Variants in CASK observed in about 807,000 individuals in gnomAD.
CASK encodes the protein peripheral plasma membrane protein CASK.
A neutral mutation model predicts 82.9 loss-of-function variants in CASK; 4 were observed. That is an observed-to-expected ratio of 0.05 (90% CI 0.02 to 0.11). CASK has a LOEUF of 0.11. CASK is among the 10% of genes least tolerant of loss of function. The pLI is 1.00. For missense variants in CASK, 358 were observed against 720.9 expected (o/e 0.50, Z 5.76); for synonymous variants, 259 against 253.5 (o/e 1.02, Z -0.20).
rs5964031 is a variant in CASK, at chrX:41,667,755, A to G, written c.533-2303T>C. ...AAATAATTTTGTATGGCTTTCTACA[A>G]TTTCCTGACTTCTTTTACACAGAAT... On this transcript the variant is annotated intron_variant, in intron 6 of 26. Transcript: ENST00000378163. 7.9e-3 allele frequency among the ~76,000 whole-genome samples: 872 copies of G among 111,031 alleles called. 10 individuals are homozygous for G. The highest frequency in any genetic ancestry group is 0.027 in the African/African-American group (827 of 30,491).
intron 3 of CASK, among the ~76,000 whole-genome samples, chrX:41,786,219 C>T (rs1341397591): frequency 9.0e-6 from 1 of 111,611 alleles, no homozygotes; most frequent in Non-Finnish European, 1.9e-5. Context: ...ACACACATTC[C>T]TGATGCACAG....
chrX:41,828,432 A>T (rs2070715120), intron 2 of CASK, among the ~76,000 whole-genome samples: 1 of 111,720 alleles, frequency 9.0e-6, no homozygotes, highest in Non-Finnish European at 1.9e-5. Context: ...GTGGGGATCC[A>T]GGAGAAACTT....
chrX:41,623,183 C>T (rs1219437142), intron 10 of CASK, among the ~76,000 whole-genome samples: 4 of 110,745 alleles, frequency 3.6e-5, no homozygotes, highest in African/African-American at 6.6e-5. Flanking sequence ...AGTGATCCAC[C>T]GTGCCCAGCC....
At chrX:41,581,539 G>A (rs938737552) in intron 14 of CASK, among the ~76,000 whole-genome samples, 14 of 110,181 alleles carry the variant, frequency 1.3e-4, no homozygotes, top group African/African-American at 4.6e-4. Flanking sequence ...AGAAAAATTC[G>A]GATGACTGAG....
At position 41,906,672 on chromosome X, in the gene CASK, T is replaced by C. The variant is rs2072475853; in HGVS notation, c.59+16258A>G. On this transcript the variant is annotated intron_variant, in intron 1 of 26. Transcript: ENST00000378163. Reference sequence around the variant, plus strand: ...AACACAGAAAGAGTCACCACAGCATTTCTCCTGCCTAATGCATGGCATGAT... The same window carrying C: ...AACACAGAAAGAGTCACCACAGCATCTCTCCTGCCTAATGCATGGCATGAT... Among the ~76,000 whole-genome samples, 3 of 112,201 alleles carry C rather than the reference T, an allele frequency of 2.7e-5. No homozygotes were observed. In the Admixed American group the frequency reaches 2.8e-4, roughly 11 times the overall value.
At position 41,542,818 on chromosome X, in the gene CASK, A is replaced by C; in HGVS notation, c.2040-12T>G. The C allele has an allele frequency of 1.0e-6, 1 of 989,890 alleles. No individual in the cohort carries two copies. The highest frequency in any genetic ancestry group is 1.4e-6 in the Non-Finnish European group (1 of 696,752). 81.6% of individuals were successfully genotyped at this position (989,890 alleles called of 1,213,427 possible). A position where few individuals can be genotyped will look rare whatever the true frequency, so the allele number is the denominator to read the frequency against. Reference sequence around the variant, plus strand: ...TGCAAGCTACTCGCCTAGCACATACAAAAAGAAAAATAAAATAAAATGAAT... The same window carrying C: ...TGCAAGCTACTCGCCTAGCACATACCAAAAGAAAAATAAAATAAAATGAAT... On this transcript the variant is annotated splice_polypyrimidine_tract_variant and intron_variant, in intron 21 of 26. Transcript: ENST00000378163.
chrX:41,659,082 A>G (rs1164006762), intron 8 of CASK, among the ~76,000 whole-genome samples: 2 of 110,988 alleles, frequency 1.8e-5, no homozygotes, highest in African/African-American at 6.6e-5. Context: ...CAGAGAGAGA[A>G]CTCTGATGAT....
intron 8 of CASK, among the ~76,000 whole-genome samples, chrX:41,642,117 C>T (rs915865919): frequency 2.2e-4 from 24 of 110,848 alleles, no homozygotes; most frequent in African/African-American, 3.9e-4. Context: ...GGTGTATATG[C>T]GCCACATTTT....
intron 4 of CASK, chrX:41,743,635 A>G: frequency 3.4e-6 from 1 of 296,954 alleles, no homozygotes; most frequent in Non-Finnish European, 5.9e-6. Context: ...CTTCAGCCAG[A>G]AGGAGTCAGG....
chrX:41,642,757 T>A (rs2066681544), intron 8 of CASK, among the ~76,000 whole-genome samples: 1 of 112,209 alleles, frequency 8.9e-6, no homozygotes, highest in African/African-American at 3.2e-5. Context: ...CTTAATTAGA[T>A]CCCATTTGTC....
At chrX:41,535,694 G>A (rs2064865073) in intron 22 of CASK, among the ~76,000 whole-genome samples, 1 of 112,057 alleles carries the variant, frequency 8.9e-6, no homozygotes, top group Non-Finnish European at 1.9e-5. Context: ...GGTGGATCAG[G>A]ATGGAAAGAA....
chrX:41,793,467 G>C (rs2069778277), intron 2 of CASK, among the ~76,000 whole-genome samples: 2 of 111,733 alleles, frequency 1.8e-5, no homozygotes, highest in African/African-American at 6.5e-5. Flanking sequence ...AGGCTATCAA[G>C]ACTGTTACAG....
intron 2 of CASK, among the ~76,000 whole-genome samples, chrX:41,830,153 C>A (rs2070764605): frequency 9.2e-6 from 1 of 108,262 alleles, no homozygotes; most frequent in African/African-American, 3.4e-5. Flanking sequence ...GCACACATCA[C>A]CATGCCTGGC....
In CASK at chrX:41,517,499, TC is replaced by T. The variant is rs1000665162; in HGVS notation, c.*2920del. On this transcript the variant is annotated 3_prime_UTR_variant, in exon 27 of 27. Coordinates refer to ENST00000378163, the MANE Select transcript of CASK (RefSeq NM_001367721.1). ...TAATTACTGTCTTGTGACTGGAAAA[TC>T]AGGACATTTCATCTTTTTAACAAAG... 1.4e-4 allele frequency: 36 copies of T among 261,340 alleles called. No individual in the cohort carries two copies. Among genetic ancestry groups the T allele is most frequent in the Admixed American group, 7.8e-4 (14 of 17,839 alleles). 21.5% of individuals were successfully genotyped at this position (261,340 alleles called of 1,213,427 possible). A position where few individuals can be genotyped will look rare whatever the true frequency, so the allele number is the denominator to read the frequency against.
intron 3 of CASK, among the ~76,000 whole-genome samples, chrX:41,775,079 C>A (rs2069327011): frequency 1.9e-5 from 2 of 108,037 alleles, no homozygotes; most frequent in African/African-American, 6.7e-5. Context: ...AAAGAAACTA[C>A]CATCAGAGTG....
In CASK at chrX:41,531,029, G is replaced by A; in HGVS notation, c.2498C>T (p.Ala833Val). ...TACCTGAGGCTCCACGTCCAGTATTGCAATCAGCCCCTGCTCGTGGATCTT... is the reference window on the plus strand; with the variant it reads ...TACCTGAGGCTCCACGTCCAGTATTACAATCAGCCCCTGCTCGTGGATCTT... ...IRKIHEQGLI[A>V]ILDVEPQALK... The change falls in exon 25 of 27, where the codon GCA becomes GTA. Residue 833 changes from alanine (A) to valine (V), a missense_variant. By Grantham distance (64) the Ala-to-Val change is moderately conservative. Around this residue, in one of 5 missense-constraint regions of CASK, gnomAD observed 118 missense variants for 169.4 expected, o/e 0.70. Transcript: ENST00000378163. The A allele has an allele frequency of 2.5e-6, 3 of 1,210,800 alleles. No homozygotes were observed. The highest frequency in any genetic ancestry group is 3.4e-6 in the Non-Finnish European group (3 of 894,576).
Position 41,622,643 on chromosome X carries a change from A to T in CASK, c.1016-9T>A. 1.7e-6 allele frequency: 2 copies of T among 1,190,627 alleles called. No homozygotes were observed. The highest frequency in any genetic ancestry group is 2.3e-6 in the Non-Finnish European group (2 of 880,347). ...TTCTGCTGCTAGAAGTCCTAGGAGGAAGGCAGCATATGGACAAACAACAAA... is the reference window on the plus strand; with the variant it reads ...TTCTGCTGCTAGAAGTCCTAGGAGGTAGGCAGCATATGGACAAACAACAAA... On this transcript the variant is annotated splice_polypyrimidine_tract_variant and intron_variant, in intron 10 of 26. Coordinates refer to ENST00000378163, the MANE Select transcript of CASK (RefSeq NM_001367721.1).
At chrX:41,761,022 C>A (rs1019246429) in intron 3 of CASK, among the ~76,000 whole-genome samples, 1 of 111,116 alleles carries the variant, frequency 9.0e-6, no homozygotes, top group Non-Finnish European at 1.9e-5. Context: ...TGTGTATCTG[C>A]GATTGTTTCT....
chrX:41,688,045 A>C (rs774319795), intron 5 of CASK, among the ~76,000 whole-genome samples: 193 of 110,170 alleles, frequency 1.8e-3, no homozygotes, highest in Middle Eastern at 4.7e-3. Context: ...AATCCTGCCA[A>C]TACAACAATA....
Sources: allele counts gnomAD v4.1 joint callset (sites outside exome capture counted in the v4.1 genomes callset), GRCh38; gene constraint gnomAD v4.1.1; regional missense constraint gnomAD v4.1.1; transcripts MANE v1.5; gene names NCBI Gene and HGNC (gene_info 2026-07-23, HGNC 2026-07-21).